KAT6B: variants seen among roughly 807,000 people sequenced by gnomAD.
The protein encoded by KAT6B is histone acetyltransferase KAT6B.
KAT6B carries 10 observed loss-of-function variants against 187.5 expected under a neutral mutation model. The ratio of observed to expected loss-of-function variants is 0.05; its 90% CI spans 0.03 to 0.09. The LOEUF is 0.09. Ranked by LOEUF, KAT6B falls within the 10% of genes least tolerant of loss-of-function variation. KAT6B has a pLI of 1.00. For missense variants in KAT6B, 1,952 were observed against 2,558.9 expected (o/e 0.76, Z 5.12); for synonymous variants, 861 against 926.8 (o/e 0.93, Z 1.29).
chr10:74,861,450 G>A (rs1843181430), intron 3 of KAT6B, among the ~76,000 whole-genome samples: 1 of 152,158 alleles, frequency 6.6e-6, no homozygotes, highest in Non-Finnish European at 1.5e-5. Flanking sequence ...TATGAGGCAG[G>A]CACTACTTCA....
rs140565042 is a variant in KAT6B, at chr10:74,827,755, T to C, written c.-329+970T>C. Among the ~76,000 whole-genome samples, 1,433 of 152,196 alleles carry C rather than the reference T, an allele frequency of 9.4e-3. 21 individuals are homozygous for C. The highest frequency in any genetic ancestry group is 0.015 in the Non-Finnish European group (1,005 of 67,994). ...TTTCGGTGAATGTGATTTGGTGGAC[T>C]GTGCCAGGGGTGAGGATGGGGCAGA... On this transcript the variant is annotated intron_variant, in intron 1 of 17. Coordinates refer to ENST00000287239, the MANE Select transcript of KAT6B (RefSeq NM_012330.4).
intron 3 of KAT6B, among the ~76,000 whole-genome samples, chr10:74,874,698 T>A (rs889067076): frequency 6.6e-6 from 1 of 152,094 alleles, no homozygotes; most frequent in African/African-American, 2.4e-5. Context: ...GTTGATTTCA[T>A]AGTCATCCTG....
chr10:74,992,934 A>C (rs1014102116), intron 13 of KAT6B, among the ~76,000 whole-genome samples: 9 of 152,172 alleles, frequency 5.9e-5, no homozygotes, highest in Admixed American at 5.9e-4. Flanking sequence ...GAGAGTGACT[A>C]TCGTGGATTG....
chr10:74,995,903 T>G (rs1843401597), intron 13 of KAT6B, among the ~76,000 whole-genome samples: 1 of 152,236 alleles, frequency 6.6e-6, no homozygotes, highest in Non-Finnish European at 1.5e-5. Context: ...AGATAATGAA[T>G]TGTCTTTTAC....
intron 13 of KAT6B, among the ~76,000 whole-genome samples, chr10:74,993,925 G>A (rs1564611242): frequency 6.6e-6 from 1 of 152,068 alleles, no homozygotes; most frequent in Non-Finnish European, 1.5e-5. Context: ...CTCATCACTG[G>A]GTTAAGGTGG....
In KAT6B at chr10:75,029,723, A is replaced by T; in HGVS notation, c.4899A>T (p.Gln1633His). ...GCTACGCCCAAATCAGCCCAGATCAAAGTGCCATCTCAGTGCCATCTCTGC... is the reference window on the plus strand; with the variant it reads ...GCTACGCCCAAATCAGCCCAGATCATAGTGCCATCTCAGTGCCATCTCTGC... ...ENSYAQISPDQSAISVPSLQN... is the reference protein window; with the variant it reads ...ENSYAQISPDHSAISVPSLQN... The change falls in exon 18 of 18, where the codon CAA becomes CAT. Residue 1633 changes from glutamine to histidine, a missense_variant. This residue lies in a region of KAT6B where 87 missense variants were observed against 167.5 expected (regional missense o/e 0.52). Coordinates refer to ENST00000287239, the MANE Select transcript of KAT6B (RefSeq NM_012330.4). The surrounding 1 kb of genome is among the most constrained non-coding windows in gnomAD (Gnocchi z 6.2). 1 of 1,614,206 alleles carries T rather than the reference A, an allele frequency of 6.2e-7. No homozygotes were observed. Among genetic ancestry groups the T allele is most frequent in the South Asian group, 1.1e-5 (1 of 91,080 alleles).
chr10:74,844,702 C>G (rs553405440), intron 3 of KAT6B, among the ~76,000 whole-genome samples: 1 of 152,164 alleles, frequency 6.6e-6, no homozygotes, highest in Non-Finnish European at 1.5e-5. Context: ...ATTCTCCTTA[C>G]ATTACTGCTA....
At chr10:74,849,894 C>T (rs1842358941) in intron 3 of KAT6B, among the ~76,000 whole-genome samples, 1 of 151,286 alleles carries the variant, frequency 6.6e-6, no homozygotes, top group Non-Finnish European at 1.5e-5. Context: ...GACAGTCTGA[C>T]CTCAGAGCTC....
intron 13 of KAT6B, among the ~76,000 whole-genome samples, chr10:74,991,904 A>G (rs1843143856): frequency 6.6e-6 from 1 of 151,896 alleles, no homozygotes; most frequent in Non-Finnish European, 1.5e-5. Flanking sequence ...CTTGGAAGTT[A>G]CTTAAAGTAA....
intron 3 of KAT6B, among the ~76,000 whole-genome samples, chr10:74,844,281 C>T (rs145989396): frequency 8.1e-4 from 123 of 152,270 alleles, no homozygotes; most frequent in African/African-American, 2.7e-3. Flanking sequence ...TCACTGCAAC[C>T]TCTGCCTCCC....
chr10:74,881,371 G>T (rs537369703), intron 3 of KAT6B, among the ~76,000 whole-genome samples: 58 of 152,256 alleles, frequency 3.8e-4, no homozygotes, highest in Middle Eastern at 6.8e-3. Context: ...TTGTTGTGAG[G>T]CTTCACTGAG....
intron 3 of KAT6B, among the ~76,000 whole-genome samples, chr10:74,949,586 T>C (rs1840177285): frequency 6.6e-6 from 1 of 152,246 alleles, no homozygotes; most frequent in Non-Finnish European, 1.5e-5. Flanking sequence ...GAACAAGTTC[T>C]AGACTACAGG....
At chr10:74,990,919 C>T (rs1843092134) in intron 13 of KAT6B, among the ~76,000 whole-genome samples, 1 of 152,166 alleles carries the variant, frequency 6.6e-6, no homozygotes, top group Non-Finnish European at 1.5e-5. Context: ...TACTAATCTC[C>T]TTTTTCTCAA....
At chr10:74,996,509 G>A (rs1251147399) in intron 13 of KAT6B, among the ~76,000 whole-genome samples, 11 of 151,922 alleles carry the variant, frequency 7.2e-5, no homozygotes, top group South Asian at 2.1e-4. Flanking sequence ...GGTGGCTCAC[G>A]CCTGTAATCC....
chr10:74,977,073 C>A, intron 8 of KAT6B: 1 of 406,148 alleles, frequency 2.5e-6, no homozygotes, highest in Non-Finnish European at 4.6e-6. Flanking sequence ...TCTTACTTTC[C>A]CTCATATATT....
intron 2 of KAT6B, among the ~76,000 whole-genome samples, chr10:74,841,453 C>T (rs1376394034): frequency 6.6e-6 from 1 of 152,052 alleles, no homozygotes; most frequent in Admixed American, 6.6e-5. Context: ...GTAATCCCAG[C>T]CACTTGGGAG....
In KAT6B at chr10:75,019,548, G is replaced by A. The variant is rs186616984; in HGVS notation, c.2630-1034G>A. On this transcript the variant is annotated intron_variant, in intron 13 of 17. Transcript: ENST00000287239. ...GAAGATTTGGGTGGTTTATGGAGCC[G>A]TATGATTTTGTCATTGCTGCCACCT... is the stretch of plus-strand genomic sequence containing the variant. 2.4e-4 allele frequency among the ~76,000 whole-genome samples: 36 copies of A among 152,286 alleles called. No individual in the cohort carries two copies. In the East Asian group the frequency reaches 5.0e-3, roughly 21 times the overall value.
chr10:74,979,123 T>A (rs1842348913), intron 9 of KAT6B, 101 bp from the exon 10 acceptor site: 9 of 773,082 alleles, frequency 1.2e-5, no homozygotes, highest in Non-Finnish European at 1.8e-5. Flanking sequence ...CAATTAAGAT[T>A]AGTGTTCTGA....
intron 17 of KAT6B, chr10:75,025,548 A>T (rs892146870): frequency 7.8e-5 from 26 of 332,586 alleles, no homozygotes; most frequent in Non-Finnish European, 1.7e-5. Context: ...AACACATTAC[A>T]TTTCTTTGAT....
Sources: allele counts gnomAD v4.1 joint callset (sites outside exome capture counted in the v4.1 genomes callset), GRCh38; gene constraint gnomAD v4.1.1; regional missense constraint gnomAD v4.1.1; non-coding constraint Gnocchi (gnomAD v3.1); transcripts MANE v1.5; gene names NCBI Gene and HGNC (gene_info 2026-07-23, HGNC 2026-07-21).